The following TFPI variants were observed in gnomAD, a reference collection of about 807,000 sequenced individuals.
TFPI encodes tissue factor pathway inhibitor, also known as anti-convertin.
TFPI carries 15 observed loss-of-function variants against 34.6 expected under a neutral mutation model. That is an observed-to-expected ratio of 0.43 (90% CI 0.29 to 0.67). The LOEUF is 0.67. Among genes scored for constraint, TFPI ranks in the 30% least tolerant of loss-of-function variants. The probability of loss-of-function intolerance (pLI) is 0.15; values close to 1 mark genes in which losing one functional copy is unlikely to be tolerated. For missense variants in TFPI, 301 were observed against 364.0 expected (o/e 0.83, Z 1.41); for synonymous variants, 105 against 120.1 (o/e 0.87, Z 0.82).
intron 2 of TFPI, among the ~76,000 whole-genome samples, chr2:187,500,765 T>G (rs1685795092): frequency 6.6e-6 from 1 of 152,194 alleles, no homozygotes; most frequent in South Asian, 2.1e-4. Context: ...ACAGCATCCC[T>G]GGACTCAAGC....
At chr2:187,478,049 C>G (rs543513255) in intron 6 of TFPI, among the ~76,000 whole-genome samples, 10 of 152,234 alleles carry the variant, frequency 6.6e-5, no homozygotes, top group Non-Finnish European at 1.0e-4. Context: ...TTCTTCCCCC[C>G]AGAATATCAT....
At chr2:187,479,672 T>C (rs1274017312) in intron 6 of TFPI, among the ~76,000 whole-genome samples, 1 of 149,746 alleles carries the variant, frequency 6.7e-6, no homozygotes, top group Non-Finnish European at 1.5e-5. Context: ...TTTAAGTCAA[T>C]GCATACATAT....
chr2:187,542,160 A>G (rs1688613920), intron 1 of TFPI, among the ~76,000 whole-genome samples: 1 of 152,202 alleles, frequency 6.6e-6, no homozygotes, highest in African/African-American at 2.4e-5. Context: ...ATATGGTTAA[A>G]AAGGGAGAGT....
At chr2:187,476,748 T>C (rs1692402018) in intron 6 of TFPI, among the ~76,000 whole-genome samples, 1 of 152,222 alleles carries the variant, frequency 6.6e-6, no homozygotes, top group Non-Finnish European at 1.5e-5. Flanking sequence ...CAAGTTTGTC[T>C]AAGCTATTTC....
At chr2:187,468,258 G>GACAC (rs61019402) in intron 6 of TFPI, among the ~76,000 whole-genome samples, 3,539 of 147,100 alleles carry the variant, frequency 0.024, 107 homozygotes, top group African/African-American at 0.071. Context: ...ATTTCTTACA[G>GACAC]ACACACACAC....
chr2:187,507,644 C>T (rs1035799804), intron 1 of TFPI, among the ~76,000 whole-genome samples: 1 of 152,032 alleles, frequency 6.6e-6, no homozygotes, highest in African/African-American at 2.4e-5. Flanking sequence ...ATCCTTCGTC[C>T]ACTTTTTGAT....
intron 1 of TFPI, chr2:187,518,822 G>A (rs1035567295): frequency 2.0e-5 from 3 of 152,098 alleles, no homozygotes; most frequent in Non-Finnish European, 4.4e-5. Flanking sequence ...ATGTTTCTTA[G>A]AGGCTTTGTT....
In TFPI at chr2:187,503,704, G is replaced by C; in HGVS notation, c.65C>G (p.Ala22Gly). 6.2e-7 allele frequency: 1 copy of C among 1,613,128 alleles called. No individual in the cohort carries two copies. The highest frequency in any genetic ancestry group is 8.5e-7 in the Non-Finnish European group (1 of 1,179,376). Residue 22 changes from alanine to glycine, a missense_variant, in exon 2 of 8, where the codon GCC becomes GGC. Transcript: ENST00000233156. ...AGAATCAGCATTAAGAGGGGCAGGGGCAAGATTAAGCAGCAGGCATACAGA... is the reference window on the plus strand; with the variant it reads ...AGAATCAGCATTAAGAGGGGCAGGGCCAAGATTAAGCAGCAGGCATACAGA... ...WASVCLLLNL[A>G]PAPLNADSEE... is the part of the protein sequence containing the mutation.
chr2:187,482,141 A>G (rs8176617), intron 6 of TFPI, among the ~76,000 whole-genome samples: 2 of 151,648 alleles, frequency 1.3e-5, no homozygotes, highest in Non-Finnish European at 3.0e-5. Context: ...AACCTACTCT[A>G]CTCACTTTAA....
chr2:187,466,975 C>T lies in TFPI; in HGVS notation c.876G>A (p.Val292=), dbSNP rs1251304039. The T allele has an allele frequency of 1.3e-6, 2 of 1,587,588 alleles. No homozygotes were observed. Among genetic ancestry groups the T allele is most frequent in the African/African-American group, 1.4e-5 (1 of 73,944 alleles). The part of the protein sequence containing the change: ...KTKRKRKKQR[V]KIAYEEIFVK... ...CAAAAATTTCTTCATATGCTATTTTCACTCTCTGCTTCTTTCTTTTTCTTT... is the reference window on the plus strand; with the variant it reads ...CAAAAATTTCTTCATATGCTATTTTTACTCTCTGCTTCTTTCTTTTTCTTT... Residue 292 remains valine, a synonymous_variant, in exon 8 of 8, where the codon GTG becomes GTA. Transcript: ENST00000233156.
At chr2:187,533,081 C>A (rs1263372545) in intron 1 of TFPI, among the ~76,000 whole-genome samples, 3 of 152,210 alleles carry the variant, frequency 2.0e-5, no homozygotes, top group African/African-American at 7.2e-5. Flanking sequence ...GCTTATAGAT[C>A]AAACTCCCAT....
intron 1 of TFPI, among the ~76,000 whole-genome samples, chr2:187,504,566 GA>G (rs71017396): frequency 0.25 from 30,670 of 123,666 alleles, 3,502 homozygotes; most frequent in Middle Eastern, 0.36. Context: ...CGCCAAAAAG[GA>G]AAAAAAAAAA....
intron 2 of TFPI, 99 bp downstream of exon 2, chr2:187,503,549 A>G (rs1028197582): frequency 7.0e-7 from 1 of 1,436,690 alleles, no homozygotes; most frequent in Non-Finnish European, 9.5e-7. Context: ...CTTCAATAAC[A>G]ACTAATTTCC....
chr2:187,488,467 T>C, intron 3 of TFPI, 92 bp from the exon 4 acceptor site: 2 of 759,992 alleles, frequency 2.6e-6, no homozygotes, highest in Non-Finnish European at 4.0e-6. Context: ...GACATATTTA[T>C]TACCATTAAA....
chr2:187,483,602 CA>C (rs1168314108), intron 6 of TFPI, among the ~76,000 whole-genome samples: 1 of 151,868 alleles, frequency 6.6e-6, no homozygotes, highest in Non-Finnish European at 1.5e-5. Context: ...AATAGGTTAA[CA>C]GACAAGAACA....
chr2:187,514,555 T>G (rs983716383), intron 1 of TFPI: 1 of 152,340 alleles, frequency 6.6e-6, no homozygotes, highest in African/African-American at 2.4e-5. Flanking sequence ...CCTGAAGGGA[T>G]GCAGTGAGCT....
chr2:187,532,314 G>T (rs571044400), intron 1 of TFPI, among the ~76,000 whole-genome samples: 65 of 152,302 alleles, frequency 4.3e-4, no homozygotes, highest in African/African-American at 1.6e-3. Flanking sequence ...AAACAGCTCT[G>T]GTCTGCAGCT....
intron 1 of TFPI, among the ~76,000 whole-genome samples, chr2:187,534,044 A>C (rs539817558): frequency 2.6e-5 from 4 of 152,208 alleles, no homozygotes; most frequent in Admixed American, 1.3e-4. Context: ...GAATGAAGAA[A>C]GCCTCCAAGA....
At chr2:187,489,912 A>T (rs1402923305) in intron 3 of TFPI, among the ~76,000 whole-genome samples, 1 of 151,714 alleles carries the variant, frequency 6.6e-6, no homozygotes, top group East Asian at 1.9e-4. Context: ...ACAGCAAATT[A>T]TCAAGTTTTC....
Sources: allele counts gnomAD v4.1 joint callset (sites outside exome capture counted in the v4.1 genomes callset), GRCh38; gene constraint gnomAD v4.1.1; transcripts MANE v1.5; gene names NCBI Gene and HGNC (gene_info 2026-07-23, HGNC 2026-07-21).